The following MTRF1 variants were observed in gnomAD, a reference collection of about 807,000 sequenced individuals.
MTRF1 encodes mitochondrial translation release factor 1, also known as peptide chain release factor 1, mitochondrial.
Under a neutral mutation model 62.9 loss-of-function variants are expected in MTRF1, and 51 were observed. That is an observed-to-expected ratio of 0.81 (90% CI 0.65 to 1.02). The LOEUF is 1.02. MTRF1 is among the 50% of genes least tolerant of loss of function. MTRF1 has a pLI of 0.00. For synonymous variants in MTRF1, 158 were observed against 181.9 expected (o/e 0.87, Z 1.06); for missense variants, 446 against 530.0 (o/e 0.84, Z 1.56).
chr13:41,231,658 T>G (rs1401441345), intron 7 of MTRF1, among the ~76,000 whole-genome samples: 2 of 152,094 alleles, frequency 1.3e-5, no homozygotes, highest in African/African-American at 4.8e-5. Context: ...AACTCACTAA[T>G]GGGTATGTGG....
At chr13:41,300,491 CA>C in the MTRF1 span, among the ~76,000 whole-genome samples, 5 of 150,990 alleles carry the variant, frequency 3.3e-5, no homozygotes, top group Admixed American at 3.3e-4. Context: ...GAGGCTGAGG[CA>C]GGAGAATGGC....
At chr13:41,309,608 G>T in the MTRF1 span, among the ~76,000 whole-genome samples, 2 of 151,966 alleles carry the variant, frequency 1.3e-5, no homozygotes, top group Non-Finnish European at 2.9e-5. Flanking sequence ...GGACTCCTAT[G>T]ATGCTTTAAA....
At chr13:41,223,549 A>C (rs984218274) in intron 8 of MTRF1, among the ~76,000 whole-genome samples, 195 bp from the exon 9 acceptor site, 1 of 152,204 alleles carries the variant, frequency 6.6e-6, no homozygotes, top group Non-Finnish European at 1.5e-5. Flanking sequence ...TTATAGAATA[A>C]GAAGGAATGT....
At chr13:41,279,975 T>G in the MTRF1 span, among the ~76,000 whole-genome samples, 13 of 152,288 alleles carry the variant, frequency 8.5e-5, no homozygotes, top group East Asian at 2.5e-3. Context: ...TTTTGCTCTG[T>G]TGCCCAGGCT....
the MTRF1 span, among the ~76,000 whole-genome samples, chr13:41,308,707 A>C: frequency 1.3e-5 from 2 of 151,990 alleles, no homozygotes; most frequent in Non-Finnish European, 2.9e-5. Flanking sequence ...TTGAACCCCC[A>C]CTTTTATTTT....
chr13:41,311,965 C>T, the MTRF1 span, among the ~76,000 whole-genome samples: 4 of 152,242 alleles, frequency 2.6e-5, no homozygotes, highest in Admixed American at 6.5e-5. Flanking sequence ...TTGCCAGTCT[C>T]TCCTCGGCTA....
At chr13:41,231,742 A>G (rs978410046) in intron 7 of MTRF1, among the ~76,000 whole-genome samples, 1 of 152,106 alleles carries the variant, frequency 6.6e-6, no homozygotes, top group Non-Finnish European at 1.5e-5. Flanking sequence ...GAAATTTCCA[A>G]CATGAAAGTA....
chr13:41,216,949 T>C lies in MTRF1; in HGVS notation c.*166A>G. On this transcript the variant is annotated 3_prime_UTR_variant, in exon 10 of 10. Coordinates refer to ENST00000379480, the MANE Select transcript of MTRF1 (RefSeq NM_004294.4). ...TTTACAGGAAACCTAAAATAAATTCTTAGGTCAGGAAATGTGACTTCGATT... is the reference window on the plus strand; with the variant it reads ...TTTACAGGAAACCTAAAATAAATTCCTAGGTCAGGAAATGTGACTTCGATT... The C allele has an allele frequency of 2.3e-6, 1 of 431,552 alleles. No individual in the cohort carries two copies. The highest frequency in any genetic ancestry group is 4.1e-6 in the Non-Finnish European group (1 of 244,234). 26.7% of individuals were successfully genotyped at this position (431,552 alleles called of 1,614,324 possible). A position where few individuals can be genotyped will look rare whatever the true frequency, so the allele number is the denominator to read the frequency against.
Position 41,240,525 on chromosome 13 carries a change from G to C in MTRF1, c.698-92C>G, listed in dbSNP as rs145412729. On this transcript the variant is annotated intron_variant, in intron 5 of 9. Transcript: ENST00000379480. ...CCTTAATCTAAGGCCTGAATGTTGA[G>C]TACAGAGCCTAAGATGAGAACATAA... The C allele has an allele frequency of 5.3e-4, 623 of 1,183,948 alleles. 4 individuals carry two copies. In the African/African-American group the frequency reaches 7.8e-3, roughly 15 times the overall value. The allele number at this position is 1,183,948 out of a possible 1,614,324, so 73.3% of individuals were successfully genotyped here.
At chr13:41,226,644 A>G in intron 7 of MTRF1, 76 bp from the exon 8 acceptor site, 1 of 1,501,754 alleles carries the variant, frequency 6.7e-7, no homozygotes, top group Non-Finnish European at 9.1e-7. Flanking sequence ...CAGTTAAATG[A>G]GACAGGTTAA....
At chr13:41,309,383 T>TGTGTGTGTGTG in the MTRF1 span, among the ~76,000 whole-genome samples, 19 of 144,904 alleles carry the variant, frequency 1.3e-4, no homozygotes, top group South Asian at 4.5e-4. Context: ...TGTGTGTGTG[T>TGTGTGTGTGTG]TTGCCATGTT....
chr13:41,229,552 A>G (rs1202674114), intron 7 of MTRF1: 1 of 152,186 alleles, frequency 6.6e-6, no homozygotes, highest in African/African-American at 2.4e-5. Flanking sequence ...CACTTTTTGT[A>G]AAGTCAGCAA....
At chr13:41,269,885 G>A in the MTRF1 span, among the ~76,000 whole-genome samples, 3 of 152,162 alleles carry the variant, frequency 2.0e-5, no homozygotes, top group African/African-American at 4.8e-5. Flanking sequence ...ATTCCTGAGC[G>A]TAGGCCAAAC....
intron 5 of MTRF1, among the ~76,000 whole-genome samples, chr13:41,251,998 G>C (rs942888674): frequency 6.6e-5 from 10 of 151,942 alleles, no homozygotes; most frequent in African/African-American, 2.4e-4. Context: ...TCCTGCCTCA[G>C]CCTCTCGAGT....
intron 7 of MTRF1, among the ~76,000 whole-genome samples, chr13:41,232,164 G>A (rs9590576): frequency 0.64 from 96,710 of 151,774 alleles, 31,035 homozygotes; most frequent in Admixed American, 0.66. Context: ...AGAACTTCAG[G>A]GAAACTAAAA....
the MTRF1 span, among the ~76,000 whole-genome samples, chr13:41,299,757 A>G: frequency 1.3e-5 from 2 of 152,082 alleles, no homozygotes; most frequent in Non-Finnish European, 2.9e-5. Flanking sequence ...TCAGTGATAA[A>G]CTGATATCTC....
At chr13:41,231,563 C>T (rs2035558283) in intron 7 of MTRF1, among the ~76,000 whole-genome samples, 1 of 152,168 alleles carries the variant, frequency 6.6e-6, no homozygotes, top group African/African-American at 2.4e-5. Flanking sequence ...AGAAAACAAA[C>T]TCACAAGAGA....
the MTRF1 span, among the ~76,000 whole-genome samples, chr13:41,275,346 A>T: frequency 2.2e-4 from 33 of 151,632 alleles, no homozygotes; most frequent in African/African-American, 7.5e-4. Flanking sequence ...GACTACATGC[A>T]CCCGCCACCA....
intron 9 of MTRF1, chr13:41,220,720 G>T: frequency 3.1e-6 from 2 of 647,644 alleles, no homozygotes; most frequent in South Asian, 1.5e-5. Flanking sequence ...TTTTCTCTGT[G>T]TATCAATTTC....
Sources: gnomAD v4.1 joint callset for allele counts (sites outside exome capture counted in the v4.1 genomes callset) on GRCh38, gnomAD v4.1.1 for gene constraint, MANE v1.5 for transcripts, NCBI Gene and HGNC (gene_info 2026-07-23, HGNC 2026-07-21) for gene names.